FAM184A: variants seen among roughly 807,000 people sequenced by gnomAD.
FAM184A encodes family with sequence similarity 184 member A, also known as protein FAM184A.
In FAM184A, 99 loss-of-function variants were observed where a neutral mutation model predicts 143.8. That is an observed-to-expected ratio of 0.69 (90% confidence interval 0.58 to 0.81). The LOEUF (loss-of-function observed/expected upper bound fraction) is 0.81, where lower values mean the gene tolerates loss of function less well. FAM184A is among the 40% of genes least tolerant of loss of function. The pLI, the probability that FAM184A is intolerant of heterozygous loss-of-function variation, is 0.00. For synonymous variants in FAM184A, 427 were observed against 446.4 expected, an observed-to-expected ratio of 0.96 and a Z score of 0.55; for missense variants, 1,217 against 1,310.5, an observed-to-expected ratio of 0.93 and a Z score of 1.10.
chr6:119,148,772 A>C (rs1273463659), intron 1 of FAM184A, among the ~76,000 whole-genome samples: 1 of 152,124 alleles, frequency 6.6e-6, no homozygotes, highest in Non-Finnish European at 1.5e-5. Context: ...CAAACTGCAA[A>C]GCTCCAGGGA....
At chr6:119,061,778 G>A (rs1406050276) in intron 1 of FAM184A, among the ~76,000 whole-genome samples, 1 of 151,844 alleles carries the variant, frequency 6.6e-6, no homozygotes, top group Non-Finnish European at 1.5e-5. Context: ...GGATGGGAAG[G>A]GCTTGAGGAA....
chr6:119,145,912 G>A (rs1463360234), intron 1 of FAM184A, among the ~76,000 whole-genome samples: 1 of 152,164 alleles, frequency 6.6e-6, no homozygotes, highest in Non-Finnish European at 1.5e-5. Context: ...ACTTACAGAG[G>A]CTAAATATTT....
At chr6:119,013,576 T>C (rs1785153029) in intron 5 of FAM184A, among the ~76,000 whole-genome samples, 1 of 152,324 alleles carries the variant, frequency 6.6e-6, no homozygotes, top group East Asian at 1.9e-4. Context: ...CCTCACTAAC[T>C]AATGCTGTGC....
intron 1 of FAM184A, among the ~76,000 whole-genome samples, chr6:119,029,536 T>C (rs1250656508): frequency 6.6e-6 from 1 of 152,042 alleles, no homozygotes; most frequent in African/African-American, 2.4e-5. Flanking sequence ...ATAATTAAAT[T>C]TGGAGGAGTC....
intron 1 of FAM184A, among the ~76,000 whole-genome samples, chr6:119,118,820 A>G (rs991819149): frequency 1.2e-4 from 19 of 152,212 alleles, no homozygotes; most frequent in African/African-American, 4.3e-4. Flanking sequence ...TTGAAAAAAA[A>G]ACAAGATAAC....
chr6:119,059,665 A>ATGACC (rs1787145863), intron 1 of FAM184A, among the ~76,000 whole-genome samples: 1 of 152,206 alleles, frequency 6.6e-6, no homozygotes. Flanking sequence ...GACTAAAGAC[A>ATGACC]TAATTACTTG....
chr6:119,038,538 G>A (rs1290843581), intron 1 of FAM184A, among the ~76,000 whole-genome samples: 1 of 152,074 alleles, frequency 6.6e-6, no homozygotes, highest in Non-Finnish European at 1.5e-5. Flanking sequence ...CCAGCGCCAT[G>A]ACAGTTTATA....
At chr6:119,006,357 C>T in intron 7 of FAM184A, 90 bp downstream of exon 7, 5 of 1,197,270 alleles carry the variant, frequency 4.2e-6, no homozygotes, top group South Asian at 1.4e-5. Flanking sequence ...TAATTATATA[C>T]AATGTGCTGT....
At chr6:118,974,285 A>G (rs891724038) in intron 14 of FAM184A, 143 bp downstream of exon 14, 1 of 647,644 alleles carries the variant, frequency 1.5e-6, no homozygotes, top group African/African-American at 1.9e-5. Flanking sequence ...TAGCACTGCA[A>G]TTACCATCTG....
intron 1 of FAM184A, among the ~76,000 whole-genome samples, chr6:119,037,347 T>C (rs146861060): frequency 1.3e-5 from 2 of 152,284 alleles, no homozygotes; most frequent in African/African-American, 4.8e-5. Context: ...TTAAGTTTTT[T>C]AAGAGACAGG....
chr6:118,999,991 T>C (rs1367614257), intron 9 of FAM184A, among the ~76,000 whole-genome samples: 1 of 152,198 alleles, frequency 6.6e-6, no homozygotes, highest in Non-Finnish European at 1.5e-5. Context: ...ATAAACATTG[T>C]GTCAGATACA....
chr6:119,076,580 A>G (rs1056902305), intron 1 of FAM184A, among the ~76,000 whole-genome samples: 1 of 152,366 alleles, frequency 6.6e-6, no homozygotes, highest in Non-Finnish European at 1.5e-5. Flanking sequence ...GAGCAACAGC[A>G]TTTGTTAAAC....
chr6:118,983,530 C>T (rs938262098), intron 9 of FAM184A, among the ~76,000 whole-genome samples: 10 of 151,952 alleles, frequency 6.6e-5, no homozygotes, highest in African/African-American at 1.9e-4. Flanking sequence ...ATGTAGTGCA[C>T]GGTATTAGTT....
intron 1 of FAM184A, among the ~76,000 whole-genome samples, chr6:119,053,237 ATGC>A (rs1014196475): frequency 6.6e-6 from 1 of 152,202 alleles, no homozygotes; most frequent in Non-Finnish European, 1.5e-5. Context: ...TAATGAGGTC[ATGC>A]ACCTCTACAA....
At chr6:119,016,567 C>T (rs113122886) in intron 5 of FAM184A, among the ~76,000 whole-genome samples, 180 bp downstream of exon 5, 2,190 of 151,940 alleles carry the variant, frequency 0.014, 31 homozygotes, top group South Asian at 0.037. Flanking sequence ...ACTCCGAACA[C>T]ATCTGAACAT....
intron 4 of FAM184A, among the ~76,000 whole-genome samples, chr6:119,019,429 C>G (rs1785371154): frequency 6.6e-6 from 1 of 152,144 alleles, no homozygotes; most frequent in Non-Finnish European, 1.5e-5. Context: ...TAGATATTTT[C>G]AAAATACTTA....
intron 1 of FAM184A, among the ~76,000 whole-genome samples, chr6:119,145,338 A>G (rs1160702368): frequency 2.6e-5 from 4 of 152,050 alleles, no homozygotes; most frequent in South Asian, 2.1e-4. Flanking sequence ...GGAGATAACT[A>G]TCTTTTATTG....
At chr6:119,024,875 G>A (rs1785576810) in intron 1 of FAM184A, 62 bp from the exon 2 acceptor site, 2 of 1,405,060 alleles carry the variant, frequency 1.4e-6, no homozygotes, top group South Asian at 1.4e-5. Flanking sequence ...CTAACTTGAA[G>A]TCAATTCTTT....
chr6:119,011,791 G>A (rs1775619), intron 5 of FAM184A, among the ~76,000 whole-genome samples: 143,753 of 152,300 alleles, frequency 0.94, 67,960 homozygotes, highest in Non-Finnish European at 0.96. Flanking sequence ...GAAATCCAGT[G>A]ACACTTCTAC....
Sources: gnomAD v4.1 joint callset for allele counts (sites outside exome capture counted in the v4.1 genomes callset) on GRCh38, gnomAD v4.1.1 for gene constraint, MANE v1.5 for transcripts, NCBI Gene and HGNC (gene_info 2026-07-23, HGNC 2026-07-21) for gene names.